TNFRSF9: variants seen among roughly 807,000 people sequenced by gnomAD.
TNFRSF9 encodes the protein tumor necrosis factor receptor superfamily member 9.
A neutral mutation model predicts 28.8 loss-of-function variants in TNFRSF9; 16 were observed. The ratio of observed to expected loss-of-function variants is 0.55; its 90% CI spans 0.38 to 0.84. TNFRSF9 has a LOEUF of 0.84. Ranked by LOEUF, TNFRSF9 falls within the 40% of genes least tolerant of loss-of-function variation. The pLI is 0.00. For missense variants in TNFRSF9, 303 were observed against 315.0 expected (o/e 0.96, Z 0.29); for synonymous variants, 131 against 117.0 (o/e 1.12, Z -0.77).
intron 7 of TNFRSF9, among the ~76,000 whole-genome samples, chr1:7,922,887 C>T (rs1182412174): frequency 6.7e-6 from 1 of 149,540 alleles, no homozygotes; most frequent in Non-Finnish European, 1.5e-5. Context: ...CATAGCAAGA[C>T]TACAAACTTC....
intron 6 of TNFRSF9, among the ~76,000 whole-genome samples, chr1:7,934,602 G>C (rs1293570543): frequency 6.6e-6 from 1 of 151,634 alleles, no homozygotes; most frequent in Non-Finnish European, 1.5e-5. Context: ...CCAGCTACTT[G>C]GGAGGCTGAG....
rs1227931272 is a variant in TNFRSF9 at position 7,940,012 on chromosome 1, G to T, written c.-18C>A. 5 of 1,546,960 alleles carry T rather than the reference G, an allele frequency of 3.2e-6. No individual in the cohort carries two copies. Among genetic ancestry groups the T allele is most frequent in the Non-Finnish European group, 4.4e-6 (5 of 1,123,844 alleles). ...TTTCCCATGATGAAATCTGGCACAG[G>T]TATGATACTAGCAAAGCTGATTCCA... On this transcript the variant is annotated 5_prime_UTR_variant, in exon 2 of 8. Coordinates refer to ENST00000377507, the MANE Select transcript of TNFRSF9 (RefSeq NM_001561.6).
At chr1:7,937,650 C>T in intron 5 of TNFRSF9, 40 bp downstream of exon 5, 1 of 1,563,178 alleles carries the variant, frequency 6.4e-7, no homozygotes, top group Non-Finnish European at 8.8e-7. Context: ...AAATTTAACC[C>T]AGATTCTTTA....
chr1:7,929,157 C>CTTTTTTTTT (rs1491203940), intron 7 of TNFRSF9, among the ~76,000 whole-genome samples: 4 of 65,440 alleles, frequency 6.1e-5, no homozygotes, highest in Non-Finnish European at 1.2e-4. Flanking sequence ...TTTTCTTTTT[C>CTTTTTTTTT]CTTTTTTTTT....
intron 7 of TNFRSF9, among the ~76,000 whole-genome samples, chr1:7,931,364 G>A (rs2151416723): frequency 6.6e-6 from 1 of 152,266 alleles, no homozygotes; most frequent in African/African-American, 2.4e-5. Flanking sequence ...ACCCCAAGCT[G>A]GAAATGATCC....
chr1:7,934,318 A>G (rs1639783669), intron 6 of TNFRSF9, among the ~76,000 whole-genome samples: 1 of 151,568 alleles, frequency 6.6e-6, no homozygotes, highest in Non-Finnish European at 1.5e-5. Context: ...TGGAGGTTGC[A>G]GTGAGCCAAT....
chr1:7,936,883 C>T (rs957790386), intron 5 of TNFRSF9, among the ~76,000 whole-genome samples: 1 of 152,222 alleles, frequency 6.6e-6, no homozygotes. Flanking sequence ...ACAGGACAAG[C>T]CATTTGTGGA....
At position 7,919,795 on chromosome 1, in the gene TNFRSF9, G is replaced by A. The variant is rs1487354311; in HGVS notation, c.*1040C>T. 6.6e-6 allele frequency: 1 copy of A among 152,228 alleles called. No homozygotes were observed. The highest frequency in any genetic ancestry group is 1.9e-4 in the East Asian group (1 of 5,208). The allele number at this position is 152,228 out of a possible 1,614,324, so 9.4% of individuals were successfully genotyped here. Reference sequence around the variant, plus strand: ...TTGGCGGCCCCCACTCTAGTGCTGTGGTAGGACAATGAGCTCACAGGTGTT... The same window carrying A: ...TTGGCGGCCCCCACTCTAGTGCTGTAGTAGGACAATGAGCTCACAGGTGTT... On this transcript the variant is annotated 3_prime_UTR_variant, in exon 8 of 8. Transcript: ENST00000377507.
intron 2 of TNFRSF9, 32 bp from the exon 3 acceptor site, chr1:7,938,860 T>C (rs1329898946): frequency 6.7e-7 from 1 of 1,493,108 alleles, no homozygotes; most frequent in Non-Finnish European, 9.3e-7. Context: ...GGTACACGTT[T>C]GACAATGGGC....
chr1:7,928,752 G>C (rs1011397975), intron 7 of TNFRSF9, among the ~76,000 whole-genome samples: 5 of 152,268 alleles, frequency 3.3e-5, no homozygotes, highest in Middle Eastern at 3.4e-3. Flanking sequence ...GGTGGCAGCT[G>C]CCTGTAATCC....
chr1:7,938,874 C>A, intron 2 of TNFRSF9, 46 bp from the exon 3 acceptor site: 1 of 1,376,648 alleles, frequency 7.3e-7, no homozygotes, highest in Non-Finnish European at 1.0e-6. Context: ...AATGGGCAAT[C>A]GTCACCCAAG....
chr1:7,938,077 C>G (rs1005539811), intron 4 of TNFRSF9, 116 bp downstream of exon 4: 1 of 865,208 alleles, frequency 1.2e-6, no homozygotes, highest in Non-Finnish European at 1.7e-6. Flanking sequence ...ATATCATATA[C>G]TCCCTTGTTA....
chr1:7,931,665 G>T (rs1207016953), intron 7 of TNFRSF9, among the ~76,000 whole-genome samples: 44 of 152,190 alleles, frequency 2.9e-4, no homozygotes, highest in Admixed American at 2.9e-3. Context: ...TCTAGAAAGG[G>T]CATGCCAAGG....
chr1:7,938,409 A>C lies in TNFRSF9; in HGVS notation c.209-79T>G, dbSNP rs530631776. On this transcript the variant is annotated intron_variant, in intron 3 of 7. Coordinates refer to ENST00000377507, the MANE Select transcript of TNFRSF9 (RefSeq NM_001561.6). ...GGAAGCGAATTTATGCTCTGCAGTAAAAATCATGCTCACTCTACTTATAGT... is the reference window on the plus strand; with the variant it reads ...GGAAGCGAATTTATGCTCTGCAGTACAAATCATGCTCACTCTACTTATAGT... 6.4e-6 allele frequency: 9 copies of C among 1,397,660 alleles called. No homozygotes were observed. In the African/African-American group the frequency reaches 1.2e-4, roughly 18 times the overall value. 86.6% of individuals were successfully genotyped at this position (1,397,660 alleles called of 1,614,324 possible). A position where few individuals can be genotyped will look rare whatever the true frequency, so the allele number is the denominator to read the frequency against.
Position 7,938,373 on chromosome 1 carries a change from C to G in TNFRSF9, c.209-43G>C, listed in dbSNP as rs775011165. 5.3e-6 allele frequency: 8 copies of G among 1,520,908 alleles called. No homozygotes were observed. In the East Asian group the frequency reaches 1.2e-4, roughly 23 times the overall value. The allele number at this position is 1,520,908 out of a possible 1,614,324, so 94.2% of individuals were successfully genotyped here. A position where few individuals can be genotyped will look rare whatever the true frequency, so the allele number is the denominator to read the frequency against. On this transcript the variant is annotated intron_variant, in intron 3 of 7. Transcript: ENST00000377507. ...CCCCCAACATTTTATTACACTTGAC[C>G]TCCAAATCCAGGAAGCGAATTTATG...
Position 7,938,217 on chromosome 1 carries a change from G to C in TNFRSF9, c.322C>G (p.Gln108Glu), listed in dbSNP as rs147680622. 513 of 1,598,498 alleles carry C rather than the reference G, an allele frequency of 3.2e-4. No individual in the cohort carries two copies. The highest frequency in any genetic ancestry group is 4.1e-4 in the Non-Finnish European group (479 of 1,173,028). ...GCSMCEQDCK[Q>E]GQELTKKGCK... ...CCTTTTTTTGTCAGTTCTTGACCTT[G>C]TTTACAATCCTGTTCACACATGCTG... Residue 108 changes from glutamine to glutamate, a missense_variant, in exon 4 of 8, where the codon CAA becomes GAA. Coordinates refer to ENST00000377507, the MANE Select transcript of TNFRSF9 (RefSeq NM_001561.6).
At chr1:7,929,244 C>T (rs1639698878) in intron 7 of TNFRSF9, among the ~76,000 whole-genome samples, 1 of 145,486 alleles carries the variant, frequency 6.9e-6, no homozygotes, top group Non-Finnish European at 1.5e-5. Flanking sequence ...CAGCTCACTG[C>T]AACCTCCGCC....
chr1:7,923,632 G>A (rs370869137), intron 7 of TNFRSF9, among the ~76,000 whole-genome samples: 3 of 152,164 alleles, frequency 2.0e-5, no homozygotes, highest in Non-Finnish European at 4.4e-5. Flanking sequence ...GAGTCCAGGA[G>A]TTCTAGACCA....
rs1639876822 is a variant in TNFRSF9, at chr1:7,939,927, G to T, written c.68C>A (p.Ser23Ter). The T allele has an allele frequency of 6.2e-7, 1 of 1,605,818 alleles. No individual in the cohort carries two copies. The highest frequency in any genetic ancestry group is 1.1e-5 in the South Asian group (1 of 90,506). Residue 23 changes from serine to a stop codon, truncating the protein, a stop_gained, in exon 2 of 8, where the codon TCA becomes TAA. Coordinates refer to ENST00000377507, the MANE Select transcript of TNFRSF9 (RefSeq NM_001561.6). LOFTEE classifies it high-confidence loss of function. ...GCAGTTACTACAAGGATCCTGCAAT[G>T]ATCTTGTCCTCTCAAAGTTGAGGAC... ...LLVLNFERTRSLQDPCSNCPA... is the reference protein window; with the variant it reads ...LLVLNFERTR
Sources: allele counts gnomAD v4.1 joint callset (sites outside exome capture counted in the v4.1 genomes callset), GRCh38; gene constraint gnomAD v4.1.1; transcripts MANE v1.5; gene names NCBI Gene and HGNC (gene_info 2026-07-23, HGNC 2026-07-21).